KIAA0825: variants seen among roughly 807,000 people sequenced by gnomAD.
The protein encoded by KIAA0825 is uncharacterized protein KIAA0825.
Under a neutral mutation model 147.6 loss-of-function variants are expected in KIAA0825, and 119 were observed. That is an observed-to-expected ratio of 0.81 (90% CI 0.69 to 0.94). KIAA0825 has a LOEUF of 0.94. Among genes scored for constraint, KIAA0825 ranks in the 40% least tolerant of loss-of-function variants. The pLI, the probability that KIAA0825 is intolerant of heterozygous loss-of-function variation, is 0.00. For missense variants in KIAA0825, 1,381 were observed against 1,472.7 expected, an observed-to-expected ratio of 0.94 and a Z score of 1.02; for synonymous variants, 470 against 518.1, an observed-to-expected ratio of 0.91 and a Z score of 1.26.
intron 3 of KIAA0825, among the ~76,000 whole-genome samples, chr5:94,529,271 G>GTATATATCATATA (rs1561268093): frequency 7.8e-6 from 1 of 128,496 alleles, no homozygotes; most frequent in African/African-American, 3.3e-5. Flanking sequence ...TCATATATAT[G>GTATATATCATATA]TATGTATCAT....
chr5:94,474,052 G>A (rs1761543312), intron 7 of KIAA0825, among the ~76,000 whole-genome samples: 1 of 152,092 alleles, frequency 6.6e-6, no homozygotes, highest in South Asian at 2.1e-4. Context: ...ACATACCACT[G>A]CACTTCCTAG....
chr5:94,407,324 TACA>T (rs1268880394), intron 15 of KIAA0825, among the ~76,000 whole-genome samples: 1 of 152,212 alleles, frequency 6.6e-6, no homozygotes. Context: ...TCTGGCAGTT[TACA>T]ACAATTCTAC....
chr5:94,157,192 T>C (rs1767115016), intron 20 of KIAA0825, among the ~76,000 whole-genome samples: 1 of 152,196 alleles, frequency 6.6e-6, no homozygotes, highest in Non-Finnish European at 1.5e-5. Context: ...TAATTATATT[T>C]TTGTTTTTCC....
chr5:94,530,817 T>C (rs980222172), intron 3 of KIAA0825, among the ~76,000 whole-genome samples: 1 of 152,186 alleles, frequency 6.6e-6, no homozygotes, highest in Non-Finnish European at 1.5e-5. Flanking sequence ...GCACCTCAGA[T>C]TGTTACATCA....
chr5:94,434,361 A>T (rs923992142), intron 14 of KIAA0825, among the ~76,000 whole-genome samples: 9 of 152,206 alleles, frequency 5.9e-5, no homozygotes, highest in Non-Finnish European at 1.5e-5. Context: ...TCACTTATTT[A>T]ATTTTGTTAT....
At chr5:94,554,326 T>C (rs1271712561) in intron 2 of KIAA0825, among the ~76,000 whole-genome samples, 2 of 152,160 alleles carry the variant, frequency 1.3e-5, no homozygotes, top group Admixed American at 1.3e-4. Flanking sequence ...GTATTCTTGA[T>C]CTATTTATTC....
At chr5:94,240,011 T>C (rs1775266634) in intron 20 of KIAA0825, among the ~76,000 whole-genome samples, 1 of 152,220 alleles carries the variant, frequency 6.6e-6, no homozygotes, top group African/African-American at 2.4e-5. Context: ...GTGTGTTGCA[T>C]ATTTTGCATG....
intron 2 of KIAA0825, among the ~76,000 whole-genome samples, chr5:94,573,519 G>A (rs1780376821): frequency 6.6e-6 from 1 of 152,136 alleles, no homozygotes; most frequent in African/African-American, 2.4e-5. Flanking sequence ...TGATCCACCT[G>A]CGGAGGCCTC....
At chr5:94,466,987 C>T (rs1760626215) in intron 10 of KIAA0825, among the ~76,000 whole-genome samples, 1 of 152,024 alleles carries the variant, frequency 6.6e-6, no homozygotes, top group Admixed American at 6.6e-5. Context: ...TGGGTCAGTT[C>T]TTATTATAAC....
chr5:94,525,734 G>C (rs939698587), intron 3 of KIAA0825, among the ~76,000 whole-genome samples: 8 of 151,922 alleles, frequency 5.3e-5, no homozygotes, highest in African/African-American at 1.9e-4. Context: ...TCAGCAGTTA[G>C]TCTACCTAAA....
intron 20 of KIAA0825, among the ~76,000 whole-genome samples, chr5:94,160,071 C>T (rs1334102292): frequency 1.3e-5 from 2 of 152,092 alleles, no homozygotes; most frequent in Non-Finnish European, 2.9e-5. Context: ...TTGCACAGTG[C>T]AGACTGGTTT....
intron 20 of KIAA0825, among the ~76,000 whole-genome samples, chr5:94,224,082 CTTTTTTTTTTTTTTTT>C (rs869059424): frequency 7.4e-4 from 42 of 56,440 alleles, no homozygotes; most frequent in Non-Finnish European, 1.3e-3. Context: ...TTTTTCTTTT[CTTTTTTTTTTTTTTTT>C]TTTTTTTTTT....
At chr5:94,470,654 A>G (rs1761105726) in intron 9 of KIAA0825, among the ~76,000 whole-genome samples, 1 of 152,252 alleles carries the variant, frequency 6.6e-6, no homozygotes, top group South Asian at 2.1e-4. Context: ...GAATCACAAC[A>G]TCTGACTACT....
At chr5:94,465,249 A>T (rs1446779322) in intron 10 of KIAA0825, among the ~76,000 whole-genome samples, 190 bp from the exon 11 acceptor site, 1 of 152,236 alleles carries the variant, frequency 6.6e-6, no homozygotes, top group Non-Finnish European at 1.5e-5. Context: ...TTATTTCGAG[A>T]CTAGATATTC....
At chr5:94,344,036 G>A (rs556586047) in intron 20 of KIAA0825, among the ~76,000 whole-genome samples, 1 of 152,240 alleles carries the variant, frequency 6.6e-6, no homozygotes, top group African/African-American at 2.4e-5. Context: ...AAACAACTTT[G>A]GAAAATAGCT....
chr5:94,540,948 G>T (rs1773173992), intron 2 of KIAA0825, among the ~76,000 whole-genome samples: 3 of 152,162 alleles, frequency 2.0e-5, no homozygotes, highest in African/African-American at 4.8e-5. Context: ...TGTAAGAAAT[G>T]CTCTTGTATA....
intron 15 of KIAA0825, chr5:94,415,298 A>G (rs1753300457): frequency 6.6e-6 from 1 of 152,194 alleles, no homozygotes; most frequent in African/African-American, 2.4e-5. Context: ...TGGGTAGGTT[A>G]ATTATAGATA....
At chr5:94,237,186 A>G (rs1775095560) in intron 20 of KIAA0825, among the ~76,000 whole-genome samples, 1 of 152,180 alleles carries the variant, frequency 6.6e-6, no homozygotes, top group South Asian at 2.1e-4. Context: ...AAACTATACA[A>G]AACTATTCAA....
Position 94,203,286 on chromosome 5 carries a change from T to C in KIAA0825, c.3711-49162A>G, listed in dbSNP as rs79964171. ...GCCCTTACCATTAAGAACTAATAAA[T>C]AAATGCTTGGTTAAGCATAAACAGG... On this transcript the variant is annotated intron_variant, in intron 20 of 20. Coordinates refer to ENST00000682413, the MANE Select transcript of KIAA0825 (RefSeq NM_001145678.3). 3.1e-4 allele frequency among the ~76,000 whole-genome samples: 47 copies of C among 152,254 alleles called. No homozygotes were observed. The East Asian group carries it at 8.7e-3, about 28-fold the overall frequency.
Sources: allele counts gnomAD v4.1 joint callset (sites outside exome capture counted in the v4.1 genomes callset), GRCh38; gene constraint gnomAD v4.1.1; transcripts MANE v1.5; gene names NCBI Gene and HGNC (gene_info 2026-07-23, HGNC 2026-07-21).